EIF4G3: variants seen among roughly 807,000 people sequenced by gnomAD.
The protein encoded by EIF4G3 is eukaryotic translation initiation factor 4 gamma 3.
A neutral mutation model predicts 186.4 loss-of-function variants in EIF4G3; 34 were observed. The observed-to-expected ratio is 0.18, with a 90% CI of 0.14 to 0.24. The LOEUF (loss-of-function observed/expected upper bound fraction) is 0.24. Among genes scored for constraint, EIF4G3 ranks in the 10% least tolerant of loss-of-function variants. The pLI, the probability that EIF4G3 is intolerant of heterozygous loss-of-function variation, is 1.00. For missense variants in EIF4G3, 1,536 were observed against 1,948.5 expected (o/e 0.79, Z 3.99); for synonymous variants, 673 against 679.5 (o/e 0.99, Z 0.15).
At chr1:20,853,518 A>G (rs1185465350) in intron 27 of EIF4G3, 42 bp downstream of exon 27, 2 of 1,347,876 alleles carry the variant, frequency 1.5e-6, no homozygotes, top group African/African-American at 1.4e-5. Flanking sequence ...CATACTGGCA[A>G]GCGGGCCAGC....
intron 4 of EIF4G3, among the ~76,000 whole-genome samples, chr1:21,034,157 G>A (rs1349455001): frequency 6.6e-6 from 1 of 152,112 alleles, no homozygotes; most frequent in African/African-American, 2.4e-5. Context: ...TGTACTTGAG[G>A]ACTCTTCAAG....
chr1:20,899,777 A>G lies in EIF4G3; in HGVS notation c.1919T>C (p.Val640Ala), dbSNP rs368851331. The stretch of plus-strand genomic sequence containing the variant: ...AGCATCTATTCCTTCACCCTCAGAA[A>G]CACTCTCAGCACCATTACGTACTGG... ...AEPVRNGAES[V>A]SEGEGIDANS... is the part of the protein sequence containing the mutation. The change falls in exon 16 of 37, where the codon GTT becomes GCT. Residue 640 changes from valine to alanine, a missense_variant. By Grantham distance (64) the Val-to-Ala change is moderately conservative. Coordinates refer to ENST00000602326, the MANE Select transcript of EIF4G3 (RefSeq NM_001391906.1). 1.9e-5 allele frequency: 30 copies of G among 1,614,116 alleles called. 2 individuals are homozygous for G. The South Asian group carries it at 3.2e-4, about 17-fold the overall frequency.
chr1:20,813,669 C>T (rs1366832758), intron 34 of EIF4G3, among the ~76,000 whole-genome samples: 1 of 151,768 alleles, frequency 6.6e-6, no homozygotes, highest in Non-Finnish European at 1.5e-5. Flanking sequence ...GAGTTCGAGA[C>T]CAATCTGGCC....
intron 3 of EIF4G3, among the ~76,000 whole-genome samples, chr1:21,085,843 G>A (rs977228280): frequency 6.6e-6 from 1 of 151,960 alleles, no homozygotes; most frequent in East Asian, 1.9e-4. Flanking sequence ...ACAGGTTCAC[G>A]CCACCACACC....
intron 14 of EIF4G3, among the ~76,000 whole-genome samples, chr1:20,911,037 T>C (rs1217385294): frequency 6.6e-6 from 1 of 152,236 alleles, no homozygotes; most frequent in Non-Finnish European, 1.5e-5. Flanking sequence ...AATTCTGTTT[T>C]ATCCTGTATG....
At chr1:21,029,618 T>C (rs2092551126) in intron 4 of EIF4G3, among the ~76,000 whole-genome samples, 1 of 151,912 alleles carries the variant, frequency 6.6e-6, no homozygotes, top group African/African-American at 2.4e-5. Context: ...AAATAAACCA[T>C]TAGTTTGATT....
Position 20,899,904 on chromosome 1 carries a change from C to G in EIF4G3, c.1792G>C (p.Glu598Gln). The stretch of plus-strand genomic sequence containing the variant: ...TGGCTCATTTTATCTTGTTCAGATT[C>G]AAGTACTTTGTCAATGGAAAGCTCC... ...EEELSIDKVL[E>Q]SEQDKMSQGF... The change falls in exon 16 of 37, where the codon GAA becomes CAA. Residue 598 changes from glutamate to glutamine, a missense_variant. This residue lies in a region of EIF4G3 where 560 missense variants were observed against 547.8 expected (regional missense o/e 1.02). Transcript: ENST00000602326. The G allele has an allele frequency of 3.1e-6, 5 of 1,613,664 alleles. No individual in the cohort carries two copies. Among genetic ancestry groups the G allele is most frequent in the Non-Finnish European group, 4.2e-6 (5 of 1,179,904 alleles).
intron 2 of EIF4G3, among the ~76,000 whole-genome samples, chr1:21,145,798 G>A (rs1267235136): frequency 6.6e-6 from 1 of 152,110 alleles, no homozygotes; most frequent in East Asian, 1.9e-4. Flanking sequence ...TACAGTAAAT[G>A]GGCTGGGTGT....
intron 34 of EIF4G3, among the ~76,000 whole-genome samples, chr1:20,814,927 C>T (rs1424489070): frequency 5.7e-5 from 6 of 105,610 alleles, no homozygotes; most frequent in African/African-American, 1.8e-4. Flanking sequence ...CGATTGCAGG[C>T]GCGCGCTGCC....
intron 4 of EIF4G3, among the ~76,000 whole-genome samples, chr1:21,007,353 G>A (rs769367250): frequency 2.0e-5 from 3 of 151,410 alleles, no homozygotes; most frequent in African/African-American, 4.8e-5. Flanking sequence ...AAACAAGATC[G>A]CACCACTGCA....
intron 4 of EIF4G3, among the ~76,000 whole-genome samples, chr1:21,014,396 G>A (rs1478683251): frequency 1.3e-5 from 2 of 152,116 alleles, no homozygotes; most frequent in Non-Finnish European, 1.5e-5. Context: ...CAGGGGTTGC[G>A]TGTGTACAGA....
chr1:20,974,754 GA>G (rs1327042309), intron 10 of EIF4G3, among the ~76,000 whole-genome samples: 1 of 152,230 alleles, frequency 6.6e-6, no homozygotes, highest in East Asian at 1.9e-4. Context: ...AGGAAGGGGG[GA>G]AAATTGTCAA....
rs373965306 is a variant in EIF4G3 at position 20,825,050 on chromosome 1, T to C, written c.4368+50A>G. On this transcript the variant is annotated intron_variant, in intron 33 of 36. Coordinates refer to ENST00000602326, the MANE Select transcript of EIF4G3 (RefSeq NM_001391906.1). ...AAGGAAATTACCTTCACTTCCTCTATGAAATAGATCAACTACTATCAAACA... is the reference window on the plus strand; with the variant it reads ...AAGGAAATTACCTTCACTTCCTCTACGAAATAGATCAACTACTATCAAACA... 1.0e-5 allele frequency: 13 copies of C among 1,243,222 alleles called. No homozygotes were observed. In the African/African-American group the frequency reaches 1.7e-4, roughly 16 times the overall value. The allele number at this position is 1,243,222 out of a possible 1,614,324, so 77.0% of individuals were successfully genotyped here. A position where few individuals can be genotyped will look rare whatever the true frequency, so the allele number is the denominator to read the frequency against.
At chr1:20,852,683 A>G (rs1194028399) in intron 27 of EIF4G3, among the ~76,000 whole-genome samples, 1 of 152,228 alleles carries the variant, frequency 6.6e-6, no homozygotes, top group African/African-American at 2.4e-5. Flanking sequence ...TGGTCTAACT[A>G]TTGTGAAAGA....
chr1:20,998,916 C>T (rs913561830), intron 6 of EIF4G3: 5 of 323,484 alleles, frequency 1.5e-5, no homozygotes, highest in African/African-American at 1.1e-4. Context: ...AGACTTCCTT[C>T]TGTCAGCTTA....
At chr1:21,105,593 C>CT (rs1312771664) in intron 2 of EIF4G3, among the ~76,000 whole-genome samples, 1 of 151,822 alleles carries the variant, frequency 6.6e-6, no homozygotes, top group Non-Finnish European at 1.5e-5. Context: ...ATGAAGAAAA[C>CT]TTTTTTAAAT....
rs772397389 is a variant in EIF4G3 at position 20,903,236 on chromosome 1, C to T, written c.1752+1647G>A. ...TCTTTCATTTACACATTGTTGATGG[C>T]TGCTTTTAAGCTACAGCGGCAAATT... On this transcript the variant is annotated intron_variant, in intron 15 of 36. Transcript: ENST00000602326. Among the ~76,000 whole-genome samples the T allele has an allele frequency of 6.4e-4, 97 of 152,130 alleles. 2 individuals carry two copies. Among genetic ancestry groups the T allele is most frequent in the Admixed American group, 2.0e-3 (31 of 15,282 alleles).
At chr1:20,941,200 T>G (rs549137302) in intron 14 of EIF4G3, 2 of 1,499,246 alleles carry the variant, frequency 1.3e-6, no homozygotes, top group African/African-American at 1.4e-5. Context: ...CCAATTCATA[T>G]GAATGAGGCA....
At chr1:20,908,824 T>G (rs1411771598) in intron 14 of EIF4G3, among the ~76,000 whole-genome samples, 1 of 152,132 alleles carries the variant, frequency 6.6e-6, no homozygotes, top group East Asian at 1.9e-4. Flanking sequence ...ACATGTGTTT[T>G]TAAAAATAGT....
Sources: gnomAD v4.1 joint callset for allele counts (sites outside exome capture counted in the v4.1 genomes callset) on GRCh38, gnomAD v4.1.1 for gene constraint, gnomAD v4.1.1 regional missense constraint, MANE v1.5 for transcripts, NCBI Gene and HGNC (gene_info 2026-07-23, HGNC 2026-07-21) for gene names.